MTUS1: variants seen among roughly 807,000 people sequenced by gnomAD.
The protein encoded by MTUS1 is microtubule-associated tumor suppressor 1.
MTUS1 carries 109 observed loss-of-function variants against 120.8 expected under a neutral mutation model. The observed-to-expected ratio is 0.90, with a 90% CI of 0.77 to 1.06. MTUS1 has a LOEUF of 1.06. Ranked by LOEUF, MTUS1 falls within the 50% of genes least tolerant of loss-of-function variation. The pLI is 0.00. For synonymous variants in MTUS1, 737 were observed against 550.5 expected, an observed-to-expected ratio of 1.34 and a Z score of -4.74; for missense variants, 2,210 against 1,486.3, an observed-to-expected ratio of 1.49 and a Z score of -8.01.
chr8:17,773,660 C>G (rs1237816526), intron 1 of MTUS1, among the ~76,000 whole-genome samples: 1 of 152,134 alleles, frequency 6.6e-6, no homozygotes, highest in African/African-American at 2.4e-5. Flanking sequence ...CTTAGGAAGC[C>G]ACCAGTCCCA....
At chr8:17,688,317 T>C (rs1427781738) in intron 6 of MTUS1, among the ~76,000 whole-genome samples, 2 of 152,030 alleles carry the variant, frequency 1.3e-5, no homozygotes, top group Non-Finnish European at 2.9e-5. Context: ...CATAAGAGGG[T>C]GGTATTGCTC....
intron 3 of MTUS1, among the ~76,000 whole-genome samples, chr8:17,728,314 A>G (rs2046348298): frequency 6.6e-6 from 1 of 152,180 alleles, no homozygotes; most frequent in Non-Finnish European, 1.5e-5. Context: ...GGGTTTCATC[A>G]GGCTGGTCTC....
At chr8:17,724,023 G>A (rs2046030013) in intron 3 of MTUS1, 190 bp from the exon 4 acceptor site, 3 of 580,110 alleles carry the variant, frequency 5.2e-6, no homozygotes, top group Non-Finnish European at 9.1e-6. Context: ...TCATTTAGAG[G>A]CAAGAGAGCA....
chr8:17,677,644 C>A (rs1161216793), intron 7 of MTUS1, among the ~76,000 whole-genome samples: 1 of 152,164 alleles, frequency 6.6e-6, no homozygotes, highest in Non-Finnish European at 1.5e-5. Context: ...TTTCCCCAAA[C>A]TTCAACTCCA....
At chr8:17,684,168 C>A (rs568119153) in intron 7 of MTUS1, among the ~76,000 whole-genome samples, 160 bp downstream of exon 7, 1 of 152,292 alleles carries the variant, frequency 6.6e-6, no homozygotes, top group East Asian at 1.9e-4. Flanking sequence ...TAGAGACCGA[C>A]TCAAGTATCT....
chr8:17,750,026 G>C (rs1345495180), intron 2 of MTUS1, among the ~76,000 whole-genome samples: 2 of 152,142 alleles, frequency 1.3e-5, no homozygotes, highest in Non-Finnish European at 2.9e-5. Flanking sequence ...GTAAATGGTG[G>C]AGCTACAATT....
chr8:17,685,703 AG>A (rs1815643158), intron 6 of MTUS1, among the ~76,000 whole-genome samples: 1 of 149,804 alleles, frequency 6.7e-6, no homozygotes. Context: ...AGGGAAAAAA[AG>A]GCTCTTATTT....
intron 8 of MTUS1, among the ~76,000 whole-genome samples, chr8:17,657,105 T>C (rs1431297291): frequency 6.7e-6 from 1 of 149,966 alleles, no homozygotes; most frequent in Non-Finnish European, 1.5e-5. Flanking sequence ...CTTAAACTTG[T>C]AGTTAATTTG....
intron 8 of MTUS1, among the ~76,000 whole-genome samples, chr8:17,674,018 T>C (rs1812553654): frequency 6.6e-6 from 1 of 152,114 alleles, no homozygotes; most frequent in African/African-American, 2.4e-5. Context: ...AAATAAGCCC[T>C]AGAATGGTCA....
intron 6 of MTUS1, among the ~76,000 whole-genome samples, chr8:17,702,888 T>C (rs1365857063): frequency 6.6e-6 from 1 of 152,204 alleles, no homozygotes; most frequent in African/African-American, 2.4e-5. Flanking sequence ...GAAACATAAA[T>C]TGTGACGATT....
Position 17,754,804 on chromosome 8 carries a change from T to G in MTUS1, c.1004A>C (p.Gln335Pro), listed in dbSNP as rs200304323. ...QSSYRHKEMG[Q>P]NLRETVSYCL... is the part of the protein sequence containing the mutation. ...ATAGGACACTGTCTCTCTCAGATTTTGGCCCATTTCCTTGTGCCTGTATGA... is the reference window on the plus strand; with the variant it reads ...ATAGGACACTGTCTCTCTCAGATTTGGGCCCATTTCCTTGTGCCTGTATGA... The change falls in exon 2 of 15, where the codon CAA becomes CCA. Residue 335 changes from glutamine (Q) to proline (P), a missense_variant. Transcript: ENST00000693296. 134 of 1,614,110 alleles carry G rather than the reference T, an allele frequency of 8.3e-5. No homozygotes were observed. The highest frequency in any genetic ancestry group is 1.6e-4 in the Middle Eastern group (1 of 6,084).
chr8:17,647,061 A>G lies in MTUS1; in HGVS notation c.3520T>C (p.Leu1174=), dbSNP rs1331973252. 6.2e-7 allele frequency: 1 copy of G among 1,613,946 alleles called. No homozygotes were observed. Among genetic ancestry groups the G allele is most frequent in the African/African-American group, 1.3e-5 (1 of 75,012 alleles). The change falls in exon 14 of 15, where the codon TTG becomes CTG. Residue 1174 remains leucine (L), a synonymous_variant. Coordinates refer to ENST00000693296, the MANE Select transcript of MTUS1 (RefSeq NM_001363059.2). ...TGGAAACGCTTCAATTTGTCAACCA[A>G]TGCTGTGTTGTTGTCCACCTTGGCA... ...MEKLVDNNTA[L]VDKLKRFQQE... is the part of the protein sequence containing the mutation.
At chr8:17,713,385 C>A in intron 5 of MTUS1, 133 bp from the exon 6 acceptor site, 1 of 617,228 alleles carries the variant, frequency 1.6e-6, no homozygotes, top group Non-Finnish European at 2.8e-6. Flanking sequence ...GGAAATATCA[C>A]CGAGATTCAA....
intron 6 of MTUS1, among the ~76,000 whole-genome samples, chr8:17,707,915 G>T (rs916071868): frequency 1.3e-5 from 2 of 152,240 alleles, no homozygotes; most frequent in East Asian, 1.9e-4. Flanking sequence ...GTGCAAAAAA[G>T]AATTAGACCT....
At chr8:17,760,659 G>A (rs1276449618) in intron 1 of MTUS1, among the ~76,000 whole-genome samples, 1 of 152,092 alleles carries the variant, frequency 6.6e-6, no homozygotes, top group Admixed American at 6.5e-5. Flanking sequence ...TATATTCTTT[G>A]CCTTCATCTC....
intron 6 of MTUS1, among the ~76,000 whole-genome samples, chr8:17,689,605 C>T (rs1816552689): frequency 6.6e-6 from 1 of 152,116 alleles, no homozygotes; most frequent in Non-Finnish European, 1.5e-5. Context: ...AATATAAATT[C>T]ACCACATTCA....
intron 2 of MTUS1, among the ~76,000 whole-genome samples, chr8:17,746,166 A>G (rs889632645): frequency 6.6e-6 from 1 of 152,102 alleles, no homozygotes; most frequent in Non-Finnish European, 1.5e-5. Flanking sequence ...CTTCATGAAG[A>G]CCTAGCCTTG....
chr8:17,675,364 G>T, intron 7 of MTUS1, 112 bp from the exon 8 acceptor site: 1 of 802,028 alleles, frequency 1.2e-6, no homozygotes, highest in Non-Finnish European at 2.0e-6. Flanking sequence ...GCCAAGATAT[G>T]AATCATTTAG....
At chr8:17,682,141 C>G (rs1435887280) in intron 7 of MTUS1, among the ~76,000 whole-genome samples, 3 of 152,132 alleles carry the variant, frequency 2.0e-5, no homozygotes, top group Non-Finnish European at 2.9e-5. Flanking sequence ...GCGTGGGATG[C>G]TTTGGTAAGA....
Sources: gnomAD v4.1 joint callset for allele counts (sites outside exome capture counted in the v4.1 genomes callset) on GRCh38, gnomAD v4.1.1 for gene constraint, MANE v1.5 for transcripts, NCBI Gene and HGNC (gene_info 2026-07-23, HGNC 2026-07-21) for gene names.